The following PDE4B variants were observed in gnomAD, a reference collection of about 807,000 sequenced individuals.
The protein encoded by PDE4B is 3',5'-cyclic-AMP phosphodiesterase 4B.
In PDE4B, 20 loss-of-function variants were observed where a neutral mutation model predicts 82.2. The ratio of observed to expected loss-of-function variants is 0.24; its 90% CI spans 0.17 to 0.35. The LOEUF (loss-of-function observed/expected upper bound fraction) is 0.35. Ranked by LOEUF, PDE4B falls within the 10% of genes least tolerant of loss-of-function variation. PDE4B has a pLI of 1.00. For missense variants in PDE4B, 655 were observed against 907.2 expected (o/e 0.72, Z 3.57); for synonymous variants, 320 against 318.9 (o/e 1.00, Z -0.04).
chr1:66,097,592 T>C (rs2101010905), intron 3 of PDE4B, among the ~76,000 whole-genome samples: 1 of 152,192 alleles, frequency 6.6e-6, no homozygotes, highest in South Asian at 2.1e-4. Context: ...TAATTTTTCA[T>C]TGCAGATTTT....
At chr1:66,197,144 A>G (rs1648389861) in intron 3 of PDE4B, among the ~76,000 whole-genome samples, 1 of 152,136 alleles carries the variant, frequency 6.6e-6, no homozygotes, top group African/African-American at 2.4e-5. Flanking sequence ...AAATAGGAGT[A>G]TCACTCTTGG....
chr1:66,233,694 A>ATGTGTG (rs140691370), intron 3 of PDE4B, among the ~76,000 whole-genome samples: 10 of 150,934 alleles, frequency 6.6e-5, no homozygotes, highest in Non-Finnish European at 1.0e-4. Context: ...ATGTAAATAT[A>ATGTGTG]TGTGTGTGTG....
At chr1:65,816,507 A>G (rs181342521) in intron 1 of PDE4B, among the ~76,000 whole-genome samples, 84 of 152,302 alleles carry the variant, frequency 5.5e-4, no homozygotes, top group Admixed American at 1.6e-3. Context: ...CAAATTGGCA[A>G]TTTGTATCAA....
chr1:66,326,005 C>A (rs529298516), intron 7 of PDE4B, among the ~76,000 whole-genome samples: 1 of 152,288 alleles, frequency 6.6e-6, no homozygotes, highest in South Asian at 2.1e-4. Context: ...ACAGCTGGGG[C>A]AGACTCTACT....
chr1:65,851,033 C>A (rs2100212410), intron 1 of PDE4B, among the ~76,000 whole-genome samples: 1 of 152,256 alleles, frequency 6.6e-6, no homozygotes, highest in South Asian at 2.1e-4. Flanking sequence ...CCCCTTACCC[C>A]AAGGGATGCT....
At chr1:65,998,213 T>C (rs1333057924) in intron 3 of PDE4B, among the ~76,000 whole-genome samples, 1 of 152,190 alleles carries the variant, frequency 6.6e-6, no homozygotes, top group Non-Finnish European at 1.5e-5. Flanking sequence ...ACAAGTAATT[T>C]GTTCAAGTTT....
intron 3 of PDE4B, among the ~76,000 whole-genome samples, chr1:66,236,118 C>CT (rs1652422437): frequency 6.6e-6 from 1 of 152,198 alleles, no homozygotes; most frequent in African/African-American, 2.4e-5. Flanking sequence ...TTTTTCTTCT[C>CT]TTTTTTGGAT....
At chr1:66,309,292 G>T (rs1237589206) in intron 7 of PDE4B, among the ~76,000 whole-genome samples, 2 of 152,186 alleles carry the variant, frequency 1.3e-5, no homozygotes, top group African/African-American at 4.8e-5. Context: ...TTCCAGAGCA[G>T]TTGGAAATGC....
chr1:66,071,949 C>T (rs1373236037), intron 3 of PDE4B, among the ~76,000 whole-genome samples: 1 of 151,964 alleles, frequency 6.6e-6, no homozygotes, highest in Non-Finnish European at 1.5e-5. Context: ...GTACAAAGAG[C>T]CTAGGTGACA....
intron 3 of PDE4B, among the ~76,000 whole-genome samples, chr1:65,951,132 C>G (rs1648970784): frequency 6.6e-6 from 1 of 152,070 alleles, no homozygotes; most frequent in South Asian, 2.1e-4. Context: ...ATGTTATTCC[C>G]TACTGAGTTA....
chr1:66,021,755 A>G lies in PDE4B; in HGVS notation c.281+102920A>G, dbSNP rs573305492. On this transcript the variant is annotated intron_variant, in intron 3 of 16. Coordinates refer to ENST00000341517, the MANE Select transcript of PDE4B (RefSeq NM_002600.4). ...TGAAGTCAGGTAGCGTGATGCCTCC[A>G]GCTTTGTTCTTTTGGCTTAGGATTG... Among the ~76,000 whole-genome samples, 3 of 152,296 alleles carry G rather than the reference A, an allele frequency of 2.0e-5. No individual in the cohort carries two copies. The East Asian group carries it at 5.8e-4, about 29-fold the overall frequency.
At chr1:65,875,672 A>G (rs12759822) in intron 1 of PDE4B, among the ~76,000 whole-genome samples, 24,498 of 149,312 alleles carry the variant, frequency 0.16, 2,249 homozygotes, top group South Asian at 0.27. Flanking sequence ...GAAATTGGAA[A>G]TCATCATTCT....
intron 3 of PDE4B, among the ~76,000 whole-genome samples, chr1:65,973,311 G>A (rs1466069536): frequency 2.6e-5 from 4 of 151,692 alleles, no homozygotes; most frequent in African/African-American, 7.3e-5. Context: ...TTATCTTTAT[G>A]ATTTTATGTA....
At chr1:65,825,705 C>CCTGTCTGTCTGTCTGTCTGTCTGT (rs752252352) in intron 1 of PDE4B, among the ~76,000 whole-genome samples, 1 of 107,374 alleles carries the variant, frequency 9.3e-6, no homozygotes, top group African/African-American at 3.2e-5. Context: ...AACAAAATTA[C>CCTGTCTGTCTGTCTGTCTGTCTGT]CTATCTATCT....
At chr1:66,289,930 A>G (rs1001909901) in intron 7 of PDE4B, among the ~76,000 whole-genome samples, 1 of 152,048 alleles carries the variant, frequency 6.6e-6, no homozygotes, top group African/African-American at 2.4e-5. Context: ...ATGGGGAGGG[A>G]CTGAAAGTAG....
At chr1:65,851,908 C>T (rs1322461327) in intron 1 of PDE4B, among the ~76,000 whole-genome samples, 1 of 151,888 alleles carries the variant, frequency 6.6e-6, no homozygotes, top group Non-Finnish European at 1.5e-5. Flanking sequence ...ATAGATGCTT[C>T]TTCTATTGAT....
rs149087192 is a variant in PDE4B, at chr1:66,139,466, C to T, written c.282-107994C>T. 8.2e-3 allele frequency among the ~76,000 whole-genome samples: 1,247 copies of T among 152,252 alleles called. 28 individuals are homozygous for T. The highest frequency in any genetic ancestry group is 0.028 in the African/African-American group (1,172 of 41,542). ...TCTCCTGGGCTTTCCACATCGCTCT[C>T]CCTCCAGTAGGAGAATGTTCTCTAC... On this transcript the variant is annotated intron_variant, in intron 3 of 16. Coordinates refer to ENST00000341517, the MANE Select transcript of PDE4B (RefSeq NM_002600.4).
intron 3 of PDE4B, among the ~76,000 whole-genome samples, chr1:66,229,245 G>T (rs866037905): frequency 1.3e-5 from 2 of 151,872 alleles, no homozygotes; most frequent in Non-Finnish European, 2.9e-5. Context: ...TCCTGACCTC[G>T]TGATCCGCCC....
chr1:66,052,628 T>A (rs560046984), intron 3 of PDE4B, among the ~76,000 whole-genome samples: 42 of 150,976 alleles, frequency 2.8e-4, no homozygotes, highest in African/African-American at 9.7e-4. Flanking sequence ...TGCTTCCTCA[T>A]GTTCGTAAGC....
Sources: allele counts gnomAD v4.1 joint callset (sites outside exome capture counted in the v4.1 genomes callset), GRCh38; gene constraint gnomAD v4.1.1; transcripts MANE v1.5; gene names NCBI Gene and HGNC (gene_info 2026-07-23, HGNC 2026-07-21).